The following UGT1A8 variants were observed in gnomAD, a reference collection of about 807,000 sequenced individuals.
UGT1A8 encodes UDP glucuronosyltransferase family 1 member A8.
Under a neutral mutation model 45.3 loss-of-function variants are expected in UGT1A8, and 39 were observed. The observed-to-expected ratio is 0.86, with a 90% CI of 0.67 to 1.12. UGT1A8 has a LOEUF of 1.12. Among genes scored for constraint, UGT1A8 ranks in the 50% most tolerant of loss-of-function variants. The pLI, the probability that UGT1A8 is intolerant of heterozygous loss-of-function variation, is 0.00. For missense variants in UGT1A8, 719 were observed against 664.9 expected (o/e 1.08, Z -0.90); for synonymous variants, 275 against 249.2 (o/e 1.10, Z -0.97).
chr2:233,705,091 G>A (rs1166254689), intron 1 of UGT1A8, among the ~76,000 whole-genome samples: 3 of 151,666 alleles, frequency 2.0e-5, no homozygotes, highest in Admixed American at 6.6e-5. Flanking sequence ...AGCCAAGATC[G>A]TGCCATTGCA....
At chr2:233,709,864 C>A (rs1389080873) in intron 1 of UGT1A8, among the ~76,000 whole-genome samples, 2 of 152,210 alleles carry the variant, frequency 1.3e-5, no homozygotes, top group Non-Finnish European at 2.9e-5. Context: ...ACGGAGCACT[C>A]CATTACCCAG....
chr2:233,725,687 A>G (rs1043779631), intron 1 of UGT1A8, among the ~76,000 whole-genome samples: 2 of 152,216 alleles, frequency 1.3e-5, no homozygotes, highest in African/African-American at 2.4e-5. Context: ...CAAGTGCTCA[A>G]TAGTCATATG....
chr2:233,712,850 AAGTAACT>A, intron 1 of UGT1A8: 5 of 1,537,004 alleles, frequency 3.3e-6, no homozygotes, highest in Admixed American at 3.8e-5. Flanking sequence ...AACGGGTAAT[AAGTAACT>A]GGAGGAGGGC....
Position 233,769,415 on chromosome 2 carries a change from G to A in UGT1A8, c.1295+976G>A. On this transcript the variant is annotated intron_variant, in intron 4 of 4. Coordinates refer to ENST00000373450, the MANE Select transcript of UGT1A8 (RefSeq NM_019076.5). This position sits in a 1 kb window ranked among gnomAD's most constrained non-coding sequence, Gnocchi z 4.4. Reference sequence around the variant, plus strand: ...TGTGTGCATATGTGCGTGTGCGTTTGTGCATGTGGCTGTGCTCATGTGTGG... The same window carrying A: ...TGTGTGCATATGTGCGTGTGCGTTTATGCATGTGGCTGTGCTCATGTGTGG... The A allele has an allele frequency of 1.4e-6, 2 of 1,401,966 alleles. No homozygotes were observed. Among genetic ancestry groups the A allele is most frequent in the Non-Finnish European group, 2.0e-6 (2 of 1,003,386 alleles). The allele number at this position is 1,401,966 out of a possible 1,614,324, so 86.8% of individuals were successfully genotyped here.
chr2:233,668,754 C>T (rs946488744), intron 1 of UGT1A8, among the ~76,000 whole-genome samples: 14 of 152,216 alleles, frequency 9.2e-5, no homozygotes, highest in Non-Finnish European at 1.9e-4. Flanking sequence ...AACACTGACA[C>T]ATTATGTTGA....
At chr2:233,762,544 T>C (rs755070967) in intron 1 of UGT1A8, among the ~76,000 whole-genome samples, 100 of 152,370 alleles carry the variant, frequency 6.6e-4, no homozygotes, top group Middle Eastern at 6.8e-3. Flanking sequence ...TACCACAGTG[T>C]ATTCTGCTGG....
At chr2:233,654,341 G>A (rs1046176010) in intron 1 of UGT1A8, among the ~76,000 whole-genome samples, 12 of 152,120 alleles carry the variant, frequency 7.9e-5, no homozygotes, top group African/African-American at 2.7e-4. Context: ...TCAACCTTCA[G>A]GATTATGTGT....
chr2:233,659,686 T>C (rs2073927767), intron 1 of UGT1A8, among the ~76,000 whole-genome samples: 1 of 152,172 alleles, frequency 6.6e-6, no homozygotes. Context: ...AAATACATCA[T>C]AATTACTGTC....
intron 1 of UGT1A8, among the ~76,000 whole-genome samples, chr2:233,629,263 A>G (rs2073146066): frequency 6.6e-6 from 1 of 152,110 alleles, no homozygotes; most frequent in African/African-American, 2.4e-5. Flanking sequence ...AATGCCCTTA[A>G]GTTTCATTCA....
Position 233,661,091 on chromosome 2 carries a change from A to G in UGT1A8, c.855+42529A>G, listed in dbSNP as rs558511461. 7.2e-5 allele frequency among the ~76,000 whole-genome samples: 11 copies of G among 152,102 alleles called. No homozygotes were observed. The East Asian group carries it at 2.1e-3, about 30-fold the overall frequency. ...TAAAAGCTGCATTTTTTATAATAAA[A>G]TTTTATGTAGATAATCATGATACAG... On this transcript the variant is annotated intron_variant, in intron 1 of 4. Coordinates refer to ENST00000373450, the MANE Select transcript of UGT1A8 (RefSeq NM_019076.5).
intron 1 of UGT1A8, among the ~76,000 whole-genome samples, chr2:233,762,537 C>T (rs1182921904): frequency 4.6e-5 from 7 of 152,180 alleles, no homozygotes; most frequent in African/African-American, 1.7e-4. Flanking sequence ...ACTTGTGTAC[C>T]ACAGTGTATT....
intron 1 of UGT1A8, chr2:233,718,743 A>C: frequency 6.2e-7 from 1 of 1,612,082 alleles, no homozygotes; most frequent in Admixed American, 1.7e-5. Context: ...CTCAATGACA[A>C]GGTAATTAAG....
chr2:233,718,602 C>T (rs3732219), intron 1 of UGT1A8, among the ~76,000 whole-genome samples: 15,139 of 152,232 alleles, frequency 0.099, 881 homozygotes, highest in East Asian at 0.2. Flanking sequence ...GTCAGATGAG[C>T]TTTTCAAGAT....
chr2:233,630,050 A>G (rs991450730), intron 1 of UGT1A8, among the ~76,000 whole-genome samples: 1 of 152,058 alleles, frequency 6.6e-6, no homozygotes, highest in Non-Finnish European at 1.5e-5. Flanking sequence ...AGCTTTACCA[A>G]ATTAATTGAT....
intron 1 of UGT1A8, chr2:233,693,589 C>A: frequency 6.2e-7 from 1 of 1,614,210 alleles, no homozygotes; most frequent in African/African-American, 1.3e-5. Context: ...TTCCCAGGTG[C>A]TACACAAAGT....
At chr2:233,641,592 T>C (rs986704257) in intron 1 of UGT1A8, among the ~76,000 whole-genome samples, 1 of 152,240 alleles carries the variant, frequency 6.6e-6, no homozygotes, top group Admixed American at 6.5e-5. Flanking sequence ...GTACTTACTA[T>C]TACCAGTGAG....
chr2:233,751,063 A>G (rs1291377665), intron 1 of UGT1A8, among the ~76,000 whole-genome samples: 4 of 152,012 alleles, frequency 2.6e-5, no homozygotes, highest in East Asian at 1.9e-4. Context: ...ACAGACACTC[A>G]ATGCCAGCCT....
Position 233,769,646 on chromosome 2 carries a change from C to T in UGT1A8, c.1295+1207C>T, listed in dbSNP as rs1053692486. 2 of 1,608,424 alleles carry T rather than the reference C, an allele frequency of 1.2e-6. No individual in the cohort carries two copies. Among genetic ancestry groups the T allele is most frequent in the Non-Finnish European group, 1.7e-6 (2 of 1,177,716 alleles). On this transcript the variant is annotated intron_variant, in intron 4 of 4. Transcript: ENST00000373450. The surrounding 1 kb of genome is among the most constrained non-coding windows in gnomAD (Gnocchi z 4.4). ...AGGGACAACAGGGGAGGACTGATGA[C>T]TGACTTCCCACCTTTGAGGTGCTAA...
chr2:233,712,970 G>A, intron 1 of UGT1A8: 1 of 1,613,036 alleles, frequency 6.2e-7, no homozygotes. Flanking sequence ...TGGACAGTCA[G>A]CTGTCGGTGG....
Sources: allele counts gnomAD v4.1 joint callset (sites outside exome capture counted in the v4.1 genomes callset), GRCh38; gene constraint gnomAD v4.1.1; non-coding constraint Gnocchi (gnomAD v3.1); transcripts MANE v1.5; gene names NCBI Gene and HGNC (gene_info 2026-07-23, HGNC 2026-07-21).